RTCB: variants seen among roughly 807,000 people sequenced by gnomAD.
The protein encoded by RTCB is RNA-splicing ligase RTCB.
RTCB carries 32 observed loss-of-function variants against 58.2 expected under a neutral mutation model. The ratio of observed to expected loss-of-function variants is 0.55; its 90% confidence interval spans 0.41 to 0.74. RTCB has a LOEUF of 0.74. Among genes scored for constraint, RTCB ranks in the 30% least tolerant of loss-of-function variants. RTCB has a pLI of 0.00. For missense variants in RTCB, 523 were observed against 639.0 expected (o/e 0.82, Z 1.96); for synonymous variants, 247 against 218.6 (o/e 1.13, Z -1.15).
chr22:32,397,383 C>A (rs1933263325), intron 7 of RTCB, among the ~76,000 whole-genome samples: 2 of 152,202 alleles, frequency 1.3e-5, no homozygotes. Context: ...GAAGCCATCT[C>A]CAAAATCTTT....
chr22:32,408,399 G>A (rs913536216), intron 2 of RTCB, among the ~76,000 whole-genome samples, 157 bp from the exon 3 acceptor site: 1 of 152,200 alleles, frequency 6.6e-6, no homozygotes, highest in African/African-American at 2.4e-5. Context: ...ATGGAAGGGA[G>A]CTCCTTTTAG....
At chr22:32,401,502 CAAT>C in intron 5 of RTCB, 1 of 402,126 alleles carries the variant, frequency 2.5e-6, no homozygotes, top group Non-Finnish European at 4.4e-6. Context: ...AGAAAGTGCT[CAAT>C]AAACGTTGGT....
chr22:32,395,361 C>A, intron 8 of RTCB, 147 bp from the exon 9 acceptor site: 1 of 643,562 alleles, frequency 1.6e-6, no homozygotes, highest in Admixed American at 3.0e-5. Context: ...ATTATCTTCA[C>A]GTAAAGGACA....
intron 4 of RTCB, among the ~76,000 whole-genome samples, chr22:32,404,085 G>A (rs1004590616): frequency 3.9e-5 from 6 of 152,084 alleles, no homozygotes; most frequent in East Asian, 1.9e-4. Flanking sequence ...GGCTGTTTCC[G>A]TATCTTGGCT....
intron 4 of RTCB, among the ~76,000 whole-genome samples, chr22:32,403,606 G>T (rs1334568658): frequency 6.6e-6 from 1 of 152,046 alleles, no homozygotes; most frequent in Non-Finnish European, 1.5e-5. Context: ...TAGAGACAGG[G>T]TCTTGCTTTG....
At chr22:32,403,421 A>G (rs1217089598) in intron 4 of RTCB, among the ~76,000 whole-genome samples, 2 of 152,164 alleles carry the variant, frequency 1.3e-5, no homozygotes, top group Non-Finnish European at 2.9e-5. Flanking sequence ...AAAAAAGAAA[A>G]AAAAACCTGT....
intron 2 of RTCB, among the ~76,000 whole-genome samples, chr22:32,408,477 G>C (rs1037468027): frequency 6.6e-6 from 1 of 152,178 alleles, no homozygotes; most frequent in Admixed American, 6.5e-5. Context: ...AATATAGTAA[G>C]TGCAAAACAA....
chr22:32,408,552 T>C (rs1457059021), intron 2 of RTCB, among the ~76,000 whole-genome samples: 1 of 152,230 alleles, frequency 6.6e-6, no homozygotes, highest in East Asian at 1.9e-4. Context: ...CAGCTTCAAA[T>C]TCCAGATGGA....
intron 1 of RTCB, 50 bp downstream of exon 1, chr22:32,412,014 G>A: frequency 1.4e-6 from 2 of 1,474,540 alleles, no homozygotes; most frequent in East Asian, 2.3e-5. Context: ...GACGCCGGCC[G>A]GGCCGGGGAC....
At chr22:32,411,979 CA>C in intron 1 of RTCB, 84 bp downstream of exon 1, 1 of 986,850 alleles carries the variant, frequency 1.0e-6, no homozygotes, top group East Asian at 2.5e-5. Context: ...ACCCAGTGGT[CA>C]GGGGAGGTCC....
At chr22:32,395,873 G>T (rs767402268) in intron 8 of RTCB, among the ~76,000 whole-genome samples, 2 of 152,078 alleles carry the variant, frequency 1.3e-5, no homozygotes, top group Non-Finnish European at 2.9e-5. Flanking sequence ...CTAATTTTTT[G>T]TATTTTTAGT....
At chr22:32,409,617 C>T (rs1463764064) in intron 1 of RTCB, among the ~76,000 whole-genome samples, 1 of 152,146 alleles carries the variant, frequency 6.6e-6, no homozygotes, top group Non-Finnish European at 1.5e-5. Context: ...GACTTCATCA[C>T]CATTGCATAA....
rs760203820 is a variant in RTCB, at chr22:32,399,868, G to C, written c.498-109C>G. The C allele has an allele frequency of 3.0e-4, 310 of 1,043,746 alleles. 2 individuals are homozygous for C. The highest frequency in any genetic ancestry group is 3.9e-4 in the Non-Finnish European group (282 of 728,504). The allele number at this position is 1,043,746 out of a possible 1,614,324, so 64.7% of individuals were successfully genotyped here. A position where few individuals can be genotyped will look rare whatever the true frequency, so the allele number is the denominator to read the frequency against. ...AAAAACTCGACATTTACTATCTCCT[G>C]TGTTCCAAGCCTTGAGTCAGATACA... On this transcript the variant is annotated intron_variant, in intron 5 of 11. Transcript: ENST00000216038.
intron 4 of RTCB, among the ~76,000 whole-genome samples, chr22:32,402,129 C>T (rs910611678): frequency 6.6e-6 from 1 of 152,164 alleles, no homozygotes; most frequent in African/African-American, 2.4e-5. Flanking sequence ...CAGCAATGAA[C>T]ATTGAGTAAC....
At chr22:32,405,625 T>C (rs767365176) in intron 4 of RTCB, among the ~76,000 whole-genome samples, 1 of 152,174 alleles carries the variant, frequency 6.6e-6, no homozygotes, top group Non-Finnish European at 1.5e-5. Context: ...TCTGGAACTT[T>C]TTCTTCTTTT....
chr22:32,392,219 A>G, intron 11 of RTCB, 21 bp downstream of exon 11: 1 of 1,602,656 alleles, frequency 6.2e-7, no homozygotes, highest in Non-Finnish European at 8.5e-7. Flanking sequence ...ATATTCATGT[A>G]TTTATCAAAA....
At chr22:32,388,206 GA>G in intron 11 of RTCB, 107 bp from the exon 12 acceptor site, 4 of 658,966 alleles carry the variant, frequency 6.1e-6, no homozygotes, top group Non-Finnish European at 1.0e-5. Context: ...ATAATACAGA[GA>G]GTTTTTTTTT....
chr22:32,412,029 C>T, intron 1 of RTCB, 35 bp downstream of exon 1: 2 of 1,550,958 alleles, frequency 1.3e-6, no homozygotes, highest in Middle Eastern at 1.7e-4. Context: ...GGGGACGGAG[C>T]ACGGAAGGCC....
intron 2 of RTCB, 89 bp from the exon 3 acceptor site, chr22:32,408,331 G>A: frequency 1.3e-5 from 14 of 1,049,462 alleles, no homozygotes; most frequent in Non-Finnish European, 2.0e-5. Flanking sequence ...ATAACGTGAA[G>A]AGGTAGTCAT....
Sources: gnomAD v4.1 joint callset for allele counts (sites outside exome capture counted in the v4.1 genomes callset) on GRCh38, gnomAD v4.1.1 for gene constraint, MANE v1.5 for transcripts, NCBI Gene and HGNC (gene_info 2026-07-23, HGNC 2026-07-21) for gene names.